AKAP19: variants seen among roughly 807,000 people sequenced by gnomAD.
AKAP19 encodes the protein A-kinase anchoring protein 19, also known as small A-kinase anchoring protein.
the AKAP19 span, among the ~76,000 whole-genome samples, chr2:190,109,141 T>A: frequency 6.6e-6 from 1 of 152,228 alleles, no homozygotes; most frequent in Non-Finnish European, 1.5e-5. Context: ...AAGATAGGCA[T>A]GTTGTAAGCT....
At chr2:190,068,452 C>G in the AKAP19 span, among the ~76,000 whole-genome samples, 1 of 152,274 alleles carries the variant, frequency 6.6e-6, no homozygotes, top group African/African-American at 2.4e-5. Flanking sequence ...GCTTCAGCCT[C>G]CTGAGTAGCT....
the AKAP19 span, among the ~76,000 whole-genome samples, chr2:189,964,018 TACTGGGACTGC>T: frequency 6.6e-6 from 1 of 152,186 alleles, no homozygotes; most frequent in Admixed American, 6.5e-5. Context: ...CCTCTCAAAG[TACTGGGACTGC>T]AGGCATGAGC....
the AKAP19 span, among the ~76,000 whole-genome samples, chr2:190,127,410 G>T: frequency 6.6e-6 from 1 of 151,594 alleles, no homozygotes; most frequent in Non-Finnish European, 1.5e-5. Flanking sequence ...TAAGTAAATG[G>T]GATATTGAGA....
At chr2:189,924,640 G>A in the AKAP19 span, among the ~76,000 whole-genome samples, 2 of 152,146 alleles carry the variant, frequency 1.3e-5, no homozygotes, top group Non-Finnish European at 2.9e-5. Flanking sequence ...GCAGCTTTGA[G>A]TTAGAAGTAT....
At chr2:190,073,195 T>C in the AKAP19 span, among the ~76,000 whole-genome samples, 3 of 152,068 alleles carry the variant, frequency 2.0e-5, no homozygotes, top group Non-Finnish European at 4.4e-5. Flanking sequence ...GGAAATAAAT[T>C]TGAAGACCTG....
the AKAP19 span, among the ~76,000 whole-genome samples, chr2:190,034,354 A>G: frequency 1.4e-4 from 22 of 151,750 alleles, no homozygotes; most frequent in Non-Finnish European, 2.9e-4. Context: ...TTTTTAATCA[A>G]TGATGGCCTT....
the AKAP19 span, among the ~76,000 whole-genome samples, chr2:189,959,915 A>G: frequency 1.3e-5 from 2 of 152,236 alleles, no homozygotes. Flanking sequence ...TTATAATATT[A>G]AATGGTCTTT....
At chr2:190,184,258 A>G in the AKAP19 span, among the ~76,000 whole-genome samples, 40 of 152,360 alleles carry the variant, frequency 2.6e-4, no homozygotes, top group South Asian at 5.4e-3. Context: ...CAAAGAGTGA[A>G]TGCCTAGCTT....
At chr2:190,152,014 AC>A in the AKAP19 span, among the ~76,000 whole-genome samples, 1 of 90,478 alleles carries the variant, frequency 1.1e-5, no homozygotes, top group Admixed American at 1.2e-4. Context: ...AAAAACAACA[AC>A]AAAAAAAAAA....
At chr2:190,152,142 A>G in the AKAP19 span, among the ~76,000 whole-genome samples, 10 of 152,158 alleles carry the variant, frequency 6.6e-5, no homozygotes, top group African/African-American at 2.2e-4. Flanking sequence ...TGGGCAACAG[A>G]ATGAGACTCC....
chr2:189,897,796 T>C, the AKAP19 span, among the ~76,000 whole-genome samples: 5 of 152,310 alleles, frequency 3.3e-5, no homozygotes, highest in African/African-American at 9.6e-5. Flanking sequence ...AATAAACAAA[T>C]AATCTTTATT....
At chr2:190,182,280 C>T in the AKAP19 span, among the ~76,000 whole-genome samples, 3 of 152,154 alleles carry the variant, frequency 2.0e-5, no homozygotes, top group South Asian at 2.1e-4. Flanking sequence ...TGGCCAATAG[C>T]GCTCCAACTG....
the AKAP19 span, among the ~76,000 whole-genome samples, chr2:190,070,342 A>G: frequency 1.3e-5 from 2 of 152,090 alleles, no homozygotes; most frequent in African/African-American, 4.8e-5. Flanking sequence ...TTTAACATTA[A>G]AAAGTCAGTA....
the AKAP19 span, among the ~76,000 whole-genome samples, chr2:190,065,991 G>C: frequency 6.6e-6 from 1 of 152,260 alleles, no homozygotes; most frequent in South Asian, 2.1e-4. Flanking sequence ...TCACCAAGGA[G>C]ACAGGACAGT....
chr2:189,938,757 T>C, the AKAP19 span, among the ~76,000 whole-genome samples: 3 of 152,198 alleles, frequency 2.0e-5, no homozygotes, highest in Admixed American at 6.5e-5. Flanking sequence ...CTTGGGGGAA[T>C]GGATACCCCA....
the AKAP19 span, among the ~76,000 whole-genome samples, chr2:189,884,926 G>A: frequency 1.3e-5 from 2 of 152,146 alleles, no homozygotes. Context: ...TCCTGAAATA[G>A]AATACAGATA....
chr2:189,906,386 A>G, the AKAP19 span, among the ~76,000 whole-genome samples: 2 of 152,200 alleles, frequency 1.3e-5, no homozygotes, highest in African/African-American at 4.8e-5. Flanking sequence ...TGGAAATAGT[A>G]TTTTTAGATA....
the AKAP19 span, among the ~76,000 whole-genome samples, chr2:189,934,270 A>T: frequency 2.0e-5 from 3 of 152,180 alleles, no homozygotes; most frequent in African/African-American, 7.2e-5. Context: ...TGTTGCACAC[A>T]TTGTTTAGCC....
At chr2:189,887,905 T>C in the AKAP19 span, among the ~76,000 whole-genome samples, 5 of 152,188 alleles carry the variant, frequency 3.3e-5, no homozygotes, top group Admixed American at 3.3e-4. Context: ...ATTGTGTAGG[T>C]TGCCTGTTCA....
Sources: gnomAD v4.1 joint callset for allele counts (sites outside exome capture counted in the v4.1 genomes callset) on GRCh38, gnomAD v4.1.1 for gene constraint, MANE v1.5 for transcripts, NCBI Gene and HGNC (gene_info 2026-07-23, HGNC 2026-07-21) for gene names.